SPOCK1: variants seen among roughly 807,000 people sequenced by gnomAD.
The protein encoded by SPOCK1 is SPARC (osteonectin), cwcv and kazal like domains proteoglycan 1, also known as testican-1.
Under a neutral mutation model 55.3 loss-of-function variants are expected in SPOCK1, and 23 were observed. The observed-to-expected ratio is 0.42, with a 90% CI of 0.30 to 0.59. The LOEUF (loss-of-function observed/expected upper bound fraction) is 0.59, where lower values mean the gene tolerates loss of function less well. SPOCK1 is among the 20% of genes least tolerant of loss of function. SPOCK1 has a pLI of 0.22. For missense variants in SPOCK1, 499 were observed against 552.5 expected, an observed-to-expected ratio of 0.90 and a Z score of 0.97; for synonymous variants, 226 against 221.0, an observed-to-expected ratio of 1.02 and a Z score of -0.20.
At chr5:137,198,147 A>C (rs749630457) in intron 3 of SPOCK1, among the ~76,000 whole-genome samples, 2 of 152,230 alleles carry the variant, frequency 1.3e-5, no homozygotes, top group Non-Finnish European at 2.9e-5. Context: ...TTTAAAAACA[A>C]ATGTAAAAAA....
intron 2 of SPOCK1, among the ~76,000 whole-genome samples, chr5:137,325,516 G>T (rs1758059285): frequency 6.6e-6 from 1 of 152,122 alleles, no homozygotes; most frequent in Non-Finnish European, 1.5e-5. Context: ...AAAACTAACA[G>T]CCCAGCTCTC....
At chr5:137,185,823 G>A (rs931933580) in intron 3 of SPOCK1, among the ~76,000 whole-genome samples, 3 of 152,098 alleles carry the variant, frequency 2.0e-5, no homozygotes, top group Non-Finnish European at 2.9e-5. Context: ...TGCAAGCTGT[G>A]TCTCTGCTAG....
chr5:137,453,402 G>A (rs1424801789), intron 2 of SPOCK1, among the ~76,000 whole-genome samples: 3 of 152,150 alleles, frequency 2.0e-5, no homozygotes, highest in South Asian at 4.1e-4. Flanking sequence ...ATGAAAACAC[G>A]AGCTTTATCT....
intron 5 of SPOCK1, among the ~76,000 whole-genome samples, chr5:137,089,850 C>T (rs957993646): frequency 6.6e-6 from 1 of 152,034 alleles, no homozygotes; most frequent in African/African-American, 2.4e-5. Context: ...AGGTTAGAGG[C>T]CTTTATAACT....
At chr5:137,159,341 T>C (rs1754482442) in intron 3 of SPOCK1, among the ~76,000 whole-genome samples, 1 of 152,208 alleles carries the variant, frequency 6.6e-6, no homozygotes, top group South Asian at 2.1e-4. Flanking sequence ...AAGTATATGT[T>C]GTCTCACAAG....
chr5:137,277,624 C>T (rs1026438860), intron 2 of SPOCK1, among the ~76,000 whole-genome samples: 5 of 152,150 alleles, frequency 3.3e-5, no homozygotes, highest in African/African-American at 1.2e-4. Context: ...CTCACTACCA[C>T]TACCAGGACT....
At chr5:136,992,195 C>A (rs1011089954) in intron 7 of SPOCK1, among the ~76,000 whole-genome samples, 4 of 152,118 alleles carry the variant, frequency 2.6e-5, no homozygotes, top group African/African-American at 9.7e-5. Context: ...AAAGTATGAT[C>A]CAAACTTTGT....
intron 2 of SPOCK1, among the ~76,000 whole-genome samples, chr5:137,422,197 T>C (rs1752514461): frequency 6.6e-6 from 1 of 152,148 alleles, no homozygotes; most frequent in Admixed American, 6.6e-5. Flanking sequence ...ACCCAACCTT[T>C]GTCTCTGGCT....
intron 2 of SPOCK1, among the ~76,000 whole-genome samples, chr5:137,267,564 C>T (rs1178566461): frequency 2.0e-5 from 3 of 152,198 alleles, no homozygotes. Flanking sequence ...CAAAGGCGTA[C>T]ATTTAGCTTA....
At chr5:137,281,948 T>G (rs922211955) in intron 2 of SPOCK1, among the ~76,000 whole-genome samples, 1 of 152,166 alleles carries the variant, frequency 6.6e-6, no homozygotes, top group Admixed American at 6.5e-5. Context: ...GCTATGGCAG[T>G]TTTTTAACTG....
chr5:137,174,853 C>T (rs1256294548), intron 3 of SPOCK1, among the ~76,000 whole-genome samples: 1 of 152,120 alleles, frequency 6.6e-6, no homozygotes, highest in African/African-American at 2.4e-5. Context: ...GGTCCAGAAC[C>T]CATGGGAAAG....
intron 2 of SPOCK1, among the ~76,000 whole-genome samples, chr5:137,412,083 C>G (rs2149822549): frequency 6.6e-6 from 1 of 152,280 alleles, no homozygotes; most frequent in African/African-American, 2.4e-5. Context: ...GGGGAAGAGC[C>G]ACCTGTCATG....
At chr5:137,108,938 T>C (rs993616037) in intron 5 of SPOCK1, among the ~76,000 whole-genome samples, 1 of 152,232 alleles carries the variant, frequency 6.6e-6, no homozygotes, top group African/African-American at 2.4e-5. Context: ...CAAGAGGCTT[T>C]GACCAGCAAA....
intron 2 of SPOCK1, among the ~76,000 whole-genome samples, chr5:137,435,801 A>AT (rs71583280): frequency 0.36 from 54,274 of 148,986 alleles, 9,669 homozygotes; most frequent in Middle Eastern, 0.47. Flanking sequence ...TTTTTCTTAG[A>AT]TTTTTTTTTT....
chr5:137,215,035 G>T (rs1167391642), intron 3 of SPOCK1, among the ~76,000 whole-genome samples: 1 of 152,186 alleles, frequency 6.6e-6, no homozygotes, highest in Non-Finnish European at 1.5e-5. Flanking sequence ...GAAAGATAAA[G>T]TCTTGCCCAC....
At chr5:137,132,500 A>C (rs1718512502) in intron 4 of SPOCK1, among the ~76,000 whole-genome samples, 1 of 152,258 alleles carries the variant, frequency 6.6e-6, no homozygotes, top group Non-Finnish European at 1.5e-5. Flanking sequence ...CAGCAACTGC[A>C]GCCCCATTAT....
At chr5:137,124,377 C>T (rs983793362) in intron 4 of SPOCK1, among the ~76,000 whole-genome samples, 1 of 152,156 alleles carries the variant, frequency 6.6e-6, no homozygotes, top group Non-Finnish European at 1.5e-5. Context: ...GCTGCCTCCC[C>T]AGGCTTATTT....
At chr5:137,112,406 T>A in intron 5 of SPOCK1, 29 bp downstream of exon 5, 1 of 1,606,764 alleles carries the variant, frequency 6.2e-7, no homozygotes, top group Non-Finnish European at 8.5e-7. Flanking sequence ...GAAGTATTTT[T>A]GATAACATAA....
In SPOCK1 at chr5:137,394,414, C is replaced by T. The variant is rs574405434; in HGVS notation, c.186+103959G>A. 5.3e-5 allele frequency among the ~76,000 whole-genome samples: 8 copies of T among 152,282 alleles called. No homozygotes were observed. The South Asian group carries it at 1.7e-3, about 32-fold the overall frequency. ...TAAAATTGTTGTACATTTGAAGAAA[C>T]TGAGGCACAGTGAGTTGCTTAGTAT... On this transcript the variant is annotated intron_variant, in intron 2 of 10. Coordinates refer to ENST00000394945, the MANE Select transcript of SPOCK1 (RefSeq NM_004598.4).
Sources: allele counts gnomAD v4.1 joint callset (sites outside exome capture counted in the v4.1 genomes callset), GRCh38; gene constraint gnomAD v4.1.1; transcripts MANE v1.5; gene names NCBI Gene and HGNC (gene_info 2026-07-23, HGNC 2026-07-21).